Variants in TMC1 observed in about 807,000 individuals in gnomAD.
TMC1 encodes the protein transmembrane channel-like protein 1.
Under a neutral mutation model 105.8 loss-of-function variants are expected in TMC1, and 84 were observed. The ratio of observed to expected loss-of-function variants is 0.79; its 90% CI spans 0.67 to 0.95. TMC1 has a LOEUF of 0.95. Ranked by LOEUF, TMC1 falls within the 40% of genes least tolerant of loss-of-function variation. The pLI is 0.00. For missense variants in TMC1, 817 were observed against 914.1 expected (o/e 0.89, Z 1.37); for synonymous variants, 315 against 311.5 (o/e 1.01, Z -0.12).
In TMC1 at chr9:72,688,845, T is replaced by C. The variant is rs983796182; in HGVS notation, c.64+89T>C. The C allele has an allele frequency of 7.2e-6, 8 of 1,114,660 alleles. No homozygotes were observed. The East Asian group carries it at 1.8e-4, about 25-fold the overall frequency. 69.0% of individuals were successfully genotyped at this position (1,114,660 alleles called of 1,614,324 possible). On this transcript the variant is annotated intron_variant, in intron 6 of 23. Transcript: ENST00000297784. The stretch of plus-strand genomic sequence containing the variant: ...ATCCTCTTGTGGACTTGAGCTACCA[T>C]ATGTAAGCAGAAGTGTGTGTGGATA...
intron 17 of TMC1, among the ~76,000 whole-genome samples, chr9:72,795,306 C>T (rs1387010246): frequency 2.0e-5 from 3 of 152,128 alleles, no homozygotes; most frequent in Non-Finnish European, 4.4e-5. Context: ...AGAATTCCTG[C>T]AAGATTCTAC....
At chr9:72,790,413 A>G (rs957006505) in intron 15 of TMC1, among the ~76,000 whole-genome samples, 2 of 152,210 alleles carry the variant, frequency 1.3e-5, no homozygotes, top group Non-Finnish European at 2.9e-5. Flanking sequence ...CTTGTAAAAT[A>G]TAAGTAATTT....
intron 4 of TMC1, among the ~76,000 whole-genome samples, chr9:72,640,647 T>G (rs923170303): frequency 6.6e-6 from 1 of 152,046 alleles, no homozygotes; most frequent in Non-Finnish European, 1.5e-5. Context: ...TTGTTTTTTT[T>G]TTTGAGACGG....
At chr9:72,596,165 G>A (rs1420483428) in intron 2 of TMC1, among the ~76,000 whole-genome samples, 7 of 152,058 alleles carry the variant, frequency 4.6e-5, no homozygotes, top group South Asian at 2.1e-4. Flanking sequence ...GTGAGCCACC[G>A]CGCCCAGCCA....
At chr9:72,568,661 T>A (rs1280147244) in intron 1 of TMC1, among the ~76,000 whole-genome samples, 1 of 148,960 alleles carries the variant, frequency 6.7e-6, no homozygotes, top group Non-Finnish European at 1.5e-5. Context: ...GAGAAATTTG[T>A]TTATTTTTTT....
chr9:72,674,662 C>G (rs868303767), intron 5 of TMC1, among the ~76,000 whole-genome samples: 1 of 152,216 alleles, frequency 6.6e-6, no homozygotes, highest in African/African-American at 2.4e-5. Flanking sequence ...TGTGTTTTCA[C>G]AAGCTCTCCA....
At chr9:72,781,785 AC>A (rs1828097313) in intron 13 of TMC1, among the ~76,000 whole-genome samples, 1 of 152,220 alleles carries the variant, frequency 6.6e-6, no homozygotes. Context: ...CCCTGAACAG[AC>A]CAATAACAAA....
intron 5 of TMC1, among the ~76,000 whole-genome samples, chr9:72,688,463 T>A (rs1826411603): frequency 6.6e-6 from 1 of 152,164 alleles, no homozygotes; most frequent in Non-Finnish European, 1.5e-5. Context: ...TAACTTTGAA[T>A]TGGGCTTATA....
intron 21 of TMC1, among the ~76,000 whole-genome samples, chr9:72,829,505 A>G (rs1167959364): frequency 1.3e-5 from 2 of 151,800 alleles, no homozygotes; most frequent in South Asian, 2.1e-4. Context: ...CCACACACAA[A>G]CACACACACA....
chr9:72,745,616 T>C (rs1827477488), intron 10 of TMC1, among the ~76,000 whole-genome samples: 1 of 152,166 alleles, frequency 6.6e-6, no homozygotes, highest in Admixed American at 6.5e-5. Flanking sequence ...ATAGTATTAG[T>C]TGAAAAAATA....
intron 2 of TMC1, among the ~76,000 whole-genome samples, chr9:72,614,813 T>A (rs1471821694): frequency 6.6e-6 from 1 of 152,136 alleles, no homozygotes; most frequent in Non-Finnish European, 1.5e-5. Flanking sequence ...CCTGAGTAGC[T>A]GGGATTACAG....
chr9:72,686,304 A>G (rs887457204), intron 5 of TMC1, among the ~76,000 whole-genome samples: 3 of 152,150 alleles, frequency 2.0e-5, no homozygotes, highest in Admixed American at 6.5e-5. Flanking sequence ...TACGATTGGG[A>G]ATAAGGTACT....
rs146447628 is a variant in TMC1, at chr9:72,530,253, A to T, written c.-428+8340A>T. ...GAGTGTAGTGACGCGATCTCTACTC[A>T]CTGCAACCTGTCTCCCTGGTTCAAG... is the stretch of plus-strand genomic sequence containing the variant. On this transcript the variant is annotated intron_variant, in intron 1 of 23. Coordinates refer to ENST00000297784, the MANE Select transcript of TMC1 (RefSeq NM_138691.3). Among the ~76,000 whole-genome samples the T allele has an allele frequency of 1.6e-3, 242 of 151,976 alleles. 1 individual carries two copies. The highest frequency in any genetic ancestry group is 0.014 in the Middle Eastern group (4 of 292).
In TMC1 at chr9:72,568,660, G is replaced by A. The variant is rs192156627; in HGVS notation, c.-427-9242G>A. Among the ~76,000 whole-genome samples, 54 of 148,872 alleles carry A rather than the reference G, an allele frequency of 3.6e-4. No homozygotes were observed. In the East Asian group the frequency reaches 9.3e-3, roughly 26 times the overall value. On this transcript the variant is annotated intron_variant, in intron 1 of 23. Transcript: ENST00000297784. ...AGATATTTTGAGTCTTGAGAAATTT[G>A]TTTATTTTTTTCATTATTATACAAT...
intron 13 of TMC1, among the ~76,000 whole-genome samples, chr9:72,776,015 C>T (rs887498700): frequency 6.6e-6 from 1 of 152,198 alleles, no homozygotes; most frequent in Non-Finnish European, 1.5e-5. Flanking sequence ...TCATTAGGCT[C>T]TACCTCCAAC....
intron 12 of TMC1, among the ~76,000 whole-genome samples, chr9:72,762,387 CTGCT>C (rs1178662287): frequency 3.3e-5 from 5 of 152,280 alleles, no homozygotes; most frequent in African/African-American, 1.2e-4. Flanking sequence ...GCACGCCCAG[CTGCT>C]ACCTTGAAAA....
At chr9:72,646,247 A>G (rs181601879) in intron 4 of TMC1, among the ~76,000 whole-genome samples, 9 of 152,158 alleles carry the variant, frequency 5.9e-5, no homozygotes, top group African/African-American at 2.2e-4. Flanking sequence ...AGTATTTGCC[A>G]CCTCATACAC....
chr9:72,786,718 G>C (rs1385149824), intron 13 of TMC1, among the ~76,000 whole-genome samples: 1 of 152,092 alleles, frequency 6.6e-6, no homozygotes, highest in Non-Finnish European at 1.5e-5. Flanking sequence ...TTTGCCTTGG[G>C]CATCTTTCCT....
chr9:72,770,277 C>G (rs1827903689), intron 12 of TMC1, among the ~76,000 whole-genome samples: 1 of 149,444 alleles, frequency 6.7e-6, no homozygotes, highest in Non-Finnish European at 1.5e-5. Context: ...CACACATACA[C>G]ACATATACAT....
Sources: allele counts gnomAD v4.1 joint callset (sites outside exome capture counted in the v4.1 genomes callset), GRCh38; gene constraint gnomAD v4.1.1; transcripts MANE v1.5; gene names NCBI Gene and HGNC (gene_info 2026-07-23, HGNC 2026-07-21).